PCDHGA11: variants seen among roughly 807,000 people sequenced by gnomAD.
The protein encoded by PCDHGA11 is protocadherin gamma-A11.
In PCDHGA11, 39 loss-of-function variants were observed where a neutral mutation model predicts 60.4. That is an observed-to-expected ratio of 0.65 (90% CI 0.50 to 0.84). PCDHGA11 has a LOEUF of 0.84. Ranked by LOEUF, PCDHGA11 falls within the 40% of genes least tolerant of loss-of-function variation. The pLI is 0.00. For missense variants in PCDHGA11, 1,165 were observed against 1,197.7 expected, an observed-to-expected ratio of 0.97 and a Z score of 0.40; for synonymous variants, 533 against 510.3, an observed-to-expected ratio of 1.04 and a Z score of -0.60.
chr5:141,474,430 C>T (rs2099349577), intron 1 of PCDHGA11, among the ~76,000 whole-genome samples: 1 of 152,212 alleles, frequency 6.6e-6, no homozygotes, highest in African/African-American at 2.4e-5. Flanking sequence ...TTGGTCCTCA[C>T]ACTTTGAGTA....
In PCDHGA11 at chr5:141,455,253, C is replaced by A. The variant is rs187877877; in HGVS notation, c.2433+31593C>A. 2.8e-3 allele frequency among the ~76,000 whole-genome samples: 433 copies of A among 151,986 alleles called. 1 individual carries two copies. Among genetic ancestry groups the A allele is most frequent in the Admixed American group, 0.021 (319 of 15,266 alleles). ...AAAATGTTAAAGGTCATAGTACAAT[C>A]GCATTTCTTCCCATTGATTATTAAC... is the stretch of plus-strand genomic sequence containing the variant. On this transcript the variant is annotated intron_variant, in intron 1 of 3. Coordinates refer to ENST00000398587, the MANE Select transcript of PCDHGA11 (RefSeq NM_018914.3).
intron 1 of PCDHGA11, among the ~76,000 whole-genome samples, chr5:141,479,878 A>G (rs1033313584): frequency 2.0e-5 from 3 of 152,170 alleles, no homozygotes; most frequent in African/African-American, 7.2e-5. Context: ...AGAACCCTAT[A>G]CATACTCTCA....
chr5:141,431,904 T>A lies in PCDHGA11; in HGVS notation c.2433+8244T>A. On this transcript the variant is annotated intron_variant, in intron 1 of 3. Transcript: ENST00000398587. The surrounding 1 kb of genome is among the most constrained non-coding windows in gnomAD (Gnocchi z 4.8). ...CAAGATTCTGAGGAAAACGGACAGG[T>A]GATCTGTTTCATCCAAGGAAATCTG... is the stretch of plus-strand genomic sequence containing the variant. 1 of 1,613,846 alleles carries A rather than the reference T, an allele frequency of 6.2e-7. No individual in the cohort carries two copies. Among genetic ancestry groups the A allele is most frequent in the Non-Finnish European group, 8.5e-7 (1 of 1,179,708 alleles).
At chr5:141,463,583 G>A (rs1444995569) in intron 1 of PCDHGA11, among the ~76,000 whole-genome samples, 1 of 151,598 alleles carries the variant, frequency 6.6e-6, no homozygotes, top group African/African-American at 2.4e-5. Flanking sequence ...CGAGTAGCTG[G>A]GACTACAGGT....
At chr5:141,497,020 C>T (rs138768677) in intron 2 of PCDHGA11, among the ~76,000 whole-genome samples, 8 of 152,122 alleles carry the variant, frequency 5.3e-5, no homozygotes, top group African/African-American at 1.7e-4. Flanking sequence ...GAAACCCCAT[C>T]TCGATTAAAA....
At chr5:141,474,332 G>A (rs1427828070) in intron 1 of PCDHGA11, among the ~76,000 whole-genome samples, 1 of 152,168 alleles carries the variant, frequency 6.6e-6, no homozygotes, top group Non-Finnish European at 1.5e-5. Flanking sequence ...TCACCCTGAT[G>A]TTTTGTTAAA....
At position 141,477,290 on chromosome 5, in the gene PCDHGA11, C is replaced by T; in HGVS notation, c.2434-17517C>T. 5 of 1,614,158 alleles carry T rather than the reference C, an allele frequency of 3.1e-6. No individual in the cohort carries two copies. In the South Asian group the frequency reaches 5.5e-5, roughly 18 times the overall value. On this transcript the variant is annotated intron_variant, in intron 1 of 3. Coordinates refer to ENST00000398587, the MANE Select transcript of PCDHGA11 (RefSeq NM_018914.3). The surrounding 1 kb of genome is among the most constrained non-coding windows in gnomAD (Gnocchi z 4.9). ...GAACGGGCTGGTGACCTGCGAAGTT[C>T]CACCGGGTCTCCCTTTCAGCCTTAC...
intron 1 of PCDHGA11, chr5:141,442,367 T>C (rs1304138950): frequency 6.6e-6 from 1 of 152,282 alleles, no homozygotes; most frequent in Non-Finnish European, 1.5e-5. Flanking sequence ...TATGATGCCA[T>C]ATTCCTACCA....
Position 141,485,168 on chromosome 5 carries a change from G to A in PCDHGA11, c.2434-9639G>A. The A allele has an allele frequency of 6.2e-7, 1 of 1,608,668 alleles. No individual in the cohort carries two copies. Among genetic ancestry groups the A allele is most frequent in the Non-Finnish European group, 8.5e-7 (1 of 1,175,736 alleles). ...GGAGCAAGTAGAGAATTAGCGGGCG[G>A]CAGCAATGCTCCGCAAGGTGAGAAG... is the stretch of plus-strand genomic sequence containing the variant. On this transcript the variant is annotated intron_variant, in intron 1 of 3. Coordinates refer to ENST00000398587, the MANE Select transcript of PCDHGA11 (RefSeq NM_018914.3). This position sits in a 1 kb window ranked among gnomAD's most constrained non-coding sequence, Gnocchi z 5.7.
intron 3 of PCDHGA11, among the ~76,000 whole-genome samples, chr5:141,506,454 A>G (rs2099853946): frequency 6.6e-6 from 1 of 151,844 alleles, no homozygotes; most frequent in African/African-American, 2.4e-5. Context: ...CAAAAAAAAA[A>G]AAAAAAAAAA....
chr5:141,494,323 A>T (rs1188768690), intron 1 of PCDHGA11, among the ~76,000 whole-genome samples: 1 of 152,210 alleles, frequency 6.6e-6, no homozygotes, highest in Non-Finnish European at 1.5e-5. Flanking sequence ...CCTGGCACCA[A>T]AAGGGTTACC....
chr5:141,511,288 C>G lies in PCDHGA11; in HGVS notation c.*115C>G. ...CTAACCCCCAGAATACTGGTAGGGG[C>G]CAAGGCCATGCTCCCCTTGGGAAAC... On this transcript the variant is annotated 3_prime_UTR_variant, in exon 4 of 4. Transcript: ENST00000398587. 6.6e-7 allele frequency: 1 copy of G among 1,518,266 alleles called. No homozygotes were observed. The highest frequency in any genetic ancestry group is 8.9e-7 in the Non-Finnish European group (1 of 1,129,706). The allele number at this position is 1,518,266 out of a possible 1,614,324, so 94.0% of individuals were successfully genotyped here.
Position 141,491,754 on chromosome 5 carries a change from C to T in PCDHGA11, c.2434-3053C>T. ...CCCCTGGGGGCGGCACTGGAGAAGC[C>T]GCCCGTCCTCATAAGGGATTGAACT... On this transcript the variant is annotated intron_variant, in intron 1 of 3. Transcript: ENST00000398587. The surrounding 1 kb of genome is among the most constrained non-coding windows in gnomAD (Gnocchi z 6.9). 5.7e-6 allele frequency: 9 copies of T among 1,582,682 alleles called. No individual in the cohort carries two copies. The highest frequency in any genetic ancestry group is 7.7e-6 in the Non-Finnish European group (9 of 1,165,614).
chr5:141,510,905 C>T lies in PCDHGA11; in HGVS notation c.2582-42C>T. 4 of 1,613,538 alleles carry T rather than the reference C, an allele frequency of 2.5e-6. No homozygotes were observed. In the South Asian group the frequency reaches 4.4e-5, roughly 18 times the overall value. ...GATATAAGACAGTGACTGTTGAGGA[C>T]CCTAAGTTTAGCTCCCACCTGATCT... On this transcript the variant is annotated intron_variant, in intron 3 of 3. Coordinates refer to ENST00000398587, the MANE Select transcript of PCDHGA11 (RefSeq NM_018914.3).
chr5:141,473,905 G>T (rs940750776), intron 1 of PCDHGA11, among the ~76,000 whole-genome samples: 2 of 152,096 alleles, frequency 1.3e-5, no homozygotes, highest in African/African-American at 4.8e-5. Context: ...TCATGAAGAG[G>T]TCTTAAGAAA....
At chr5:141,426,052 G>T (rs2096912121) in intron 1 of PCDHGA11, among the ~76,000 whole-genome samples, 1 of 152,162 alleles carries the variant, frequency 6.6e-6, no homozygotes, top group South Asian at 2.1e-4. Flanking sequence ...TGGCCAATGT[G>T]CTGCAAGAAC....
chr5:141,491,896 C>A lies in PCDHGA11; in HGVS notation c.2434-2911C>A. ...CGATTAAGGGATGGGGCTCCGAGCA[C>A]CGGGGGTGGTGGCGACTGTGGGCGA... On this transcript the variant is annotated intron_variant, in intron 1 of 3. Coordinates refer to ENST00000398587, the MANE Select transcript of PCDHGA11 (RefSeq NM_018914.3). This position sits in a 1 kb window ranked among gnomAD's most constrained non-coding sequence, Gnocchi z 6.9. 1 of 1,434,504 alleles carries A rather than the reference C, an allele frequency of 7.0e-7. No homozygotes were observed. Among genetic ancestry groups the A allele is most frequent in the Non-Finnish European group, 9.2e-7 (1 of 1,084,690 alleles). The allele number at this position is 1,434,504 out of a possible 1,614,324, so 88.9% of individuals were successfully genotyped here.
rs772779471 is a variant in PCDHGA11, at chr5:141,423,463, G to C, written c.2236G>C (p.Gly746Arg). Residue 746 changes from glycine (G) to arginine (R), a missense_variant, in exon 1 of 4, where the codon GGG becomes CGG. By Grantham distance (125) the Gly-to-Arg change is moderately radical (BLOSUM62 -2). Coordinates refer to ENST00000398587, the MANE Select transcript of PCDHGA11 (RefSeq NM_018914.3). ...CACGTCACATTTTGTAGGCGTGGAC[G>C]GGGTACAGGCTTTCCTGCAAACCTA... ...MPTSHFVGVD[G>R]VQAFLQTYSH... 2 of 1,613,874 alleles carry C rather than the reference G, an allele frequency of 1.2e-6. No homozygotes were observed. Among genetic ancestry groups the C allele is most frequent in the South Asian group, 2.2e-5 (2 of 91,078 alleles).
At chr5:141,488,134 A>G (rs546928916) in intron 1 of PCDHGA11, among the ~76,000 whole-genome samples, 1 of 152,332 alleles carries the variant, frequency 6.6e-6, no homozygotes, top group African/African-American at 2.4e-5. Flanking sequence ...GAAAGAGGAG[A>G]GAACTAAAGG....
Sources: allele counts gnomAD v4.1 joint callset (sites outside exome capture counted in the v4.1 genomes callset), GRCh38; gene constraint gnomAD v4.1.1; non-coding constraint Gnocchi (gnomAD v3.1); transcripts MANE v1.5; gene names NCBI Gene and HGNC (gene_info 2026-07-23, HGNC 2026-07-21).